Variants in IGF1R observed in about 807,000 individuals in gnomAD.
The protein encoded by IGF1R is insulin-like growth factor 1 receptor.
In IGF1R, 44 loss-of-function variants were observed where a neutral mutation model predicts 144.6. The observed-to-expected ratio is 0.30, with a 90% CI of 0.24 to 0.39. The LOEUF (loss-of-function observed/expected upper bound fraction) is 0.39. Among genes scored for constraint, IGF1R ranks in the 10% least tolerant of loss-of-function variants. The pLI, the probability that IGF1R is intolerant of heterozygous loss-of-function variation, is 1.00. For synonymous variants in IGF1R, 795 were observed against 722.8 expected (o/e 1.10, Z -1.60); for missense variants, 1,355 against 1,833.7 (o/e 0.74, Z 4.77).
At chr15:98,936,883 C>G (rs912169241) in intron 17 of IGF1R, among the ~76,000 whole-genome samples, 1 of 152,060 alleles carries the variant, frequency 6.6e-6, no homozygotes, top group African/African-American at 2.4e-5. Context: ...CTCTCTGTGT[C>G]TCTGTCACTC....
chr15:98,889,044 T>A (rs1047226336), intron 2 of IGF1R, among the ~76,000 whole-genome samples: 1 of 152,234 alleles, frequency 6.6e-6, no homozygotes, highest in African/African-American at 2.4e-5. Flanking sequence ...TCACAACGTT[T>A]GTTTATATCT....
At chr15:98,943,919 G>C (rs138073769) in intron 19 of IGF1R, among the ~76,000 whole-genome samples, 98 of 152,142 alleles carry the variant, frequency 6.4e-4, no homozygotes, top group Non-Finnish European at 1.3e-3. Flanking sequence ...ACAGTTCAGG[G>C]GCCTTGGATC....
chr15:98,911,054 G>A (rs1224128776), intron 6 of IGF1R, among the ~76,000 whole-genome samples: 1 of 152,218 alleles, frequency 6.6e-6, no homozygotes, highest in Non-Finnish European at 1.5e-5. Context: ...TTCAGGTTAG[G>A]AAACCCAGGT....
At chr15:98,789,711 ACAAG>A (rs1287228849) in intron 2 of IGF1R, among the ~76,000 whole-genome samples, 1 of 152,202 alleles carries the variant, frequency 6.6e-6, no homozygotes, top group Admixed American at 6.5e-5. Context: ...TAATAAAGAA[ACAAG>A]CAAACAAAAT....
chr15:98,673,673 GGTGAAGGAAT>G, intron 1 of IGF1R, among the ~76,000 whole-genome samples: 1 of 152,204 alleles, frequency 6.6e-6, no homozygotes, highest in East Asian at 1.9e-4. Flanking sequence ...CACCTTTGGT[GGTGAAGGAAT>G]GTTTCCAATT....
intron 2 of IGF1R, among the ~76,000 whole-genome samples, chr15:98,747,903 A>G (rs1264108457): frequency 1.3e-5 from 2 of 152,226 alleles, no homozygotes; most frequent in African/African-American, 2.4e-5. Flanking sequence ...TAGCATTAGT[A>G]TAAGTAGCCA....
intron 1 of IGF1R, among the ~76,000 whole-genome samples, chr15:98,679,115 A>G (rs540500751): frequency 2.0e-5 from 3 of 151,752 alleles, no homozygotes; most frequent in African/African-American, 7.3e-5. Flanking sequence ...CTATGTTCCC[A>G]TGCTGGTTTT....
chr15:98,758,838 G>A (rs774256309), intron 2 of IGF1R, among the ~76,000 whole-genome samples: 1 of 152,146 alleles, frequency 6.6e-6, no homozygotes, highest in South Asian at 2.1e-4. Context: ...TGTTTATTCA[G>A]GCCACTGTCT....
At chr15:98,925,911 A>AG (rs1403386453) in intron 13 of IGF1R, among the ~76,000 whole-genome samples, 1 of 149,310 alleles carries the variant, frequency 6.7e-6, no homozygotes, top group Non-Finnish European at 1.5e-5. Context: ...TCAAGAAAAA[A>AG]GGAAAAAAAA....
chr15:98,694,636 T>TC (rs564888903), intron 1 of IGF1R, among the ~76,000 whole-genome samples: 16 of 152,208 alleles, frequency 1.1e-4, no homozygotes, highest in Non-Finnish European at 1.8e-4. Context: ...GTCTGAGCTC[T>TC]CCATCTGTTT....
At chr15:98,764,470 A>T (rs975190625) in intron 2 of IGF1R, among the ~76,000 whole-genome samples, 6 of 152,218 alleles carry the variant, frequency 3.9e-5, no homozygotes, top group Admixed American at 3.9e-4. Flanking sequence ...TTTGCACCAG[A>T]GGAATTACAT....
At chr15:98,762,802 CT>C (rs2055338576) in intron 2 of IGF1R, among the ~76,000 whole-genome samples, 1 of 151,752 alleles carries the variant, frequency 6.6e-6, no homozygotes, top group African/African-American at 2.4e-5. Context: ...AATCCCAGCA[CT>C]TTAGGAGGCC....
intron 2 of IGF1R, among the ~76,000 whole-genome samples, chr15:98,808,242 C>G (rs1431016459): frequency 6.6e-6 from 1 of 152,138 alleles, no homozygotes; most frequent in African/African-American, 2.4e-5. Flanking sequence ...GAGATGTTAG[C>G]CACCGAAGTA....
intron 2 of IGF1R, among the ~76,000 whole-genome samples, chr15:98,878,488 T>C (rs2013173821): frequency 6.6e-6 from 1 of 152,030 alleles, no homozygotes; most frequent in Admixed American, 6.5e-5. Flanking sequence ...AAGTAACTTT[T>C]AAGTGTGTGA....
intron 2 of IGF1R, among the ~76,000 whole-genome samples, chr15:98,793,380 G>T (rs905907986): frequency 1.3e-5 from 2 of 152,170 alleles, no homozygotes; most frequent in African/African-American, 4.8e-5. Flanking sequence ...TTGTATCAGG[G>T]TTTATGAGGA....
chr15:98,851,976 A>C (rs1008081591), intron 2 of IGF1R, among the ~76,000 whole-genome samples: 1 of 152,246 alleles, frequency 6.6e-6, no homozygotes, highest in African/African-American at 2.4e-5. Flanking sequence ...TAAAGCAACA[A>C]TTTTTAGTAC....
chr15:98,940,914 A>T (rs2016341961), intron 18 of IGF1R, among the ~76,000 whole-genome samples: 2 of 152,158 alleles, frequency 1.3e-5, no homozygotes, highest in Admixed American at 6.5e-5. Context: ...AGAGGCAAAG[A>T]AGTCCCAAGA....
intron 2 of IGF1R, among the ~76,000 whole-genome samples, chr15:98,804,839 C>T (rs774900317): frequency 9.2e-5 from 14 of 152,128 alleles, no homozygotes; most frequent in Non-Finnish European, 7.4e-5. Context: ...GAACTGCAGG[C>T]GTGCACCACC....
intron 2 of IGF1R, among the ~76,000 whole-genome samples, chr15:98,771,795 A>T (rs2055593062): frequency 6.6e-6 from 1 of 152,110 alleles, no homozygotes. Context: ...TGGTTTGGTT[A>T]TTGGCAATTG....
Sources: gnomAD v4.1 joint callset for allele counts (sites outside exome capture counted in the v4.1 genomes callset) on GRCh38, gnomAD v4.1.1 for gene constraint, MANE v1.5 for transcripts, NCBI Gene and HGNC (gene_info 2026-07-23, HGNC 2026-07-21) for gene names.